DNAH7: variants seen among roughly 807,000 people sequenced by gnomAD.
DNAH7 encodes dynein axonemal heavy chain 7.
DNAH7 carries 397 observed loss-of-function variants against 444.6 expected under a neutral mutation model. The ratio of observed to expected loss-of-function variants is 0.89; its 90% CI spans 0.82 to 0.97. The LOEUF is 0.97. Among genes scored for constraint, DNAH7 ranks in the 50% least tolerant of loss-of-function variants. DNAH7 has a pLI of 0.00. For synonymous variants in DNAH7, 1,636 were observed against 1,624.4 expected (o/e 1.01, Z -0.17); for missense variants, 4,902 against 4,800.8 (o/e 1.02, Z -0.62).
chr2:195,808,691 A>G lies in DNAH7; in HGVS notation c.10074T>C (p.Tyr3358=), dbSNP rs760232953. The change falls in exon 53 of 65, where the codon TAT becomes TAC. Residue 3358 remains tyrosine, a synonymous_variant. Coordinates refer to ENST00000312428, the MANE Select transcript of DNAH7 (RefSeq NM_018897.3). ...GAGGGTTAAAACATACCAAACTATC[A>G]TATACTTTCTTCCATCCATCCTTTA... is the stretch of plus-strand genomic sequence containing the variant. ...MRLKDGWKKV[Y]DSLEPHHEVF... is the part of the protein sequence containing the mutation. 6.2e-7 allele frequency: 1 copy of G among 1,613,878 alleles called. No individual in the cohort carries two copies. The highest frequency in any genetic ancestry group is 1.1e-5 in the South Asian group (1 of 91,066).
chr2:195,870,972 C>G (rs941060598), intron 40 of DNAH7, among the ~76,000 whole-genome samples: 40 of 152,172 alleles, frequency 2.6e-4, no homozygotes, highest in Non-Finnish European at 4.9e-4. Flanking sequence ...ATTTCTATTA[C>G]CCATGTGGCC....
At chr2:195,858,896 T>C in intron 42 of DNAH7, 92 bp from the exon 43 acceptor site, 1 of 1,072,700 alleles carries the variant, frequency 9.3e-7, no homozygotes. Context: ...TCTAGGCTTT[T>C]TCAAGACATA....
At chr2:196,010,924 C>T (rs894684420) in intron 10 of DNAH7, among the ~76,000 whole-genome samples, 1 of 152,054 alleles carries the variant, frequency 6.6e-6, no homozygotes, top group African/African-American at 2.4e-5. Context: ...ATCACATGCT[C>T]TTATTCATAT....
intron 46 of DNAH7, among the ~76,000 whole-genome samples, chr2:195,846,093 A>G (rs1698976126): frequency 6.6e-6 from 1 of 152,190 alleles, no homozygotes; most frequent in South Asian, 2.1e-4. Context: ...GGGGAGAAAC[A>G]TTTGCAAACT....
intron 48 of DNAH7, among the ~76,000 whole-genome samples, chr2:195,827,903 A>G (rs921246322): frequency 6.6e-6 from 1 of 152,070 alleles, no homozygotes; most frequent in Non-Finnish European, 1.5e-5. Context: ...ATTTGCCTGT[A>G]TTTCTTCTTA....
intron 64 of DNAH7, 129 bp from the exon 65 acceptor site, chr2:195,738,256 C>T (rs1692771954): frequency 2.6e-6 from 2 of 760,842 alleles, no homozygotes; most frequent in Admixed American, 2.4e-5. Flanking sequence ...TTTATTTTCA[C>T]CAGCAGTGTT....
intron 17 of DNAH7, among the ~76,000 whole-genome samples, chr2:195,964,767 TAG>T (rs1478959561): frequency 2.7e-5 from 4 of 150,334 alleles, no homozygotes; most frequent in Non-Finnish European, 5.9e-5. Flanking sequence ...TCCTAGCTAC[TAG>T]AGAGACTGAG....
intron 61 of DNAH7, among the ~76,000 whole-genome samples, chr2:195,760,856 T>G (rs1443604281): frequency 1.3e-5 from 2 of 152,038 alleles, no homozygotes; most frequent in Non-Finnish European, 2.9e-5. Flanking sequence ...AAGACTACAG[T>G]AAAAACTTAT....
At chr2:196,013,758 G>A (rs904777174) in intron 9 of DNAH7, among the ~76,000 whole-genome samples, 2 of 152,168 alleles carry the variant, frequency 1.3e-5, no homozygotes, top group African/African-American at 4.8e-5. Flanking sequence ...GCAATGTAAT[G>A]TTTTAAATAA....
intron 5 of DNAH7, among the ~76,000 whole-genome samples, chr2:196,028,310 C>T (rs1695818155): frequency 6.6e-6 from 1 of 152,096 alleles, no homozygotes; most frequent in South Asian, 2.1e-4. Flanking sequence ...ACTTATTCTT[C>T]CTCATTACTC....
intron 17 of DNAH7, among the ~76,000 whole-genome samples, chr2:195,963,526 G>T (rs905572578): frequency 6.6e-6 from 1 of 152,088 alleles, no homozygotes; most frequent in Admixed American, 6.6e-5. Context: ...TCATCAGATG[G>T]GTAGTTCGCA....
chr2:195,880,950 T>C (rs1479670245), intron 36 of DNAH7, among the ~76,000 whole-genome samples: 1 of 152,016 alleles, frequency 6.6e-6, no homozygotes, highest in Non-Finnish European at 1.5e-5. Context: ...CCCTGACCCA[T>C]GGTGATATCT....
chr2:195,771,859 G>A lies in DNAH7; in HGVS notation c.11234C>T (p.Ser3745Leu). Residue 3745 changes from serine to leucine, a missense_variant, in exon 61 of 65, where the codon TCA (serine) becomes TTA (leucine). Physicochemically the swap from Ser to Leu is moderately radical, Grantham distance 145. Coordinates refer to ENST00000312428, the MANE Select transcript of DNAH7 (RefSeq NM_018897.3). ...SRSAGAGAKSSDEVVNEVASD... is the reference protein window; with the variant it reads ...SRSAGAGAKSLDEVVNEVASD... ...AGCGACCTCATTCACTACTTCATCT[G>A]ATGATTTTGCACCAGCACCTGCTGA... The A allele has an allele frequency of 6.2e-7, 1 of 1,614,156 alleles. No homozygotes were observed. Among genetic ancestry groups the A allele is most frequent in the Non-Finnish European group, 8.5e-7 (1 of 1,180,024 alleles).
chr2:195,768,075 A>C (rs1333596935), intron 61 of DNAH7, among the ~76,000 whole-genome samples: 1 of 151,094 alleles, frequency 6.6e-6, no homozygotes, highest in Non-Finnish European at 1.5e-5. Flanking sequence ...TTGTTTTTGG[A>C]AAGTACACCT....
rs1559159491 is a variant in DNAH7 at position 195,864,496 on chromosome 2, A to G, written c.7159T>C (p.Cys2387Arg). 1.2e-6 allele frequency: 2 copies of G among 1,614,046 alleles called. No homozygotes were observed. The highest frequency in any genetic ancestry group is 1.7e-6 in the Non-Finnish European group (2 of 1,180,046). Residue 2387 changes from cysteine (C) to arginine (R), a missense_variant, in exon 41 of 65, where the codon TGT (cysteine) becomes CGT (arginine). Coordinates refer to ENST00000312428, the MANE Select transcript of DNAH7 (RefSeq NM_018897.3). Reference protein sequence around the residue: ...HEDLKVILRKCAEGEMQGVFL... With the variant: ...HEDLKVILRKRAEGEMQGVFL... ...ACACCCTGCATCTCACCTTCCGCAC[A>G]TTTCCTTAAGATCACTTTTAAATCT...
At chr2:195,980,815 T>TA (rs59787108) in intron 15 of DNAH7, among the ~76,000 whole-genome samples, 10,420 of 143,958 alleles carry the variant, frequency 0.072, 985 homozygotes, top group African/African-American at 0.22. Context: ...TGCTTCATGA[T>TA]AAAAAAAAAA....
In DNAH7 at chr2:195,741,845, G is replaced by A. The variant is rs11904179; in HGVS notation, c.11765-976C>T. 2.3e-3 allele frequency among the ~76,000 whole-genome samples: 351 copies of A among 152,242 alleles called. 1 individual carries two copies. Among genetic ancestry groups the A allele is most frequent in the African/African-American group, 7.8e-3 (326 of 41,542 alleles). ...CTATGTGTTGTCCTGTATGGTAGCCGCTAGCTATAAGAGGCTGGTATTAGT... is the reference window on the plus strand; with the variant it reads ...CTATGTGTTGTCCTGTATGGTAGCCACTAGCTATAAGAGGCTGGTATTAGT... On this transcript the variant is annotated intron_variant, in intron 63 of 64. Transcript: ENST00000312428.
chr2:195,833,701 A>G (rs187674526), intron 48 of DNAH7, among the ~76,000 whole-genome samples: 254 of 152,250 alleles, frequency 1.7e-3, no homozygotes, highest in African/African-American at 5.9e-3. Context: ...TTTATTTTAG[A>G]TGGCAGATAA....
intron 58 of DNAH7, among the ~76,000 whole-genome samples, chr2:195,780,761 T>A (rs1451003478): frequency 6.6e-6 from 1 of 151,696 alleles, no homozygotes; most frequent in Non-Finnish European, 1.5e-5. Flanking sequence ...AAAATATATA[T>A]ATATATCTCA....
Sources: gnomAD v4.1 joint callset for allele counts (sites outside exome capture counted in the v4.1 genomes callset) on GRCh38, gnomAD v4.1.1 for gene constraint, MANE v1.5 for transcripts, NCBI Gene and HGNC (gene_info 2026-07-23, HGNC 2026-07-21) for gene names.